ACAD9: variants seen among roughly 807,000 people sequenced by gnomAD.
ACAD9 encodes acyl-CoA dehydrogenase family member 9, also known as complex I assembly factor ACAD9, mitochondrial.
A neutral mutation model predicts 70.2 loss-of-function variants in ACAD9; 53 were observed. The observed-to-expected ratio is 0.75, with a 90% confidence interval of 0.61 to 0.95. ACAD9 has a LOEUF of 0.95. ACAD9 is among the 40% of genes least tolerant of loss of function. The probability of loss-of-function intolerance (pLI) is 0.00; values close to 1 mark genes in which losing one functional copy is unlikely to be tolerated. For synonymous variants in ACAD9, 313 were observed against 312.1 expected (o/e 1.00, Z -0.03); for missense variants, 777 against 802.8 (o/e 0.97, Z 0.39).
At chr3:128,893,165 G>A (rs919270776) in intron 2 of ACAD9, among the ~76,000 whole-genome samples, 3 of 150,714 alleles carry the variant, frequency 2.0e-5, no homozygotes, top group African/African-American at 7.3e-5. Flanking sequence ...GGGTAACATA[G>A]CAAGACCTCG....
intron 17 of ACAD9, 130 bp from the exon 18 acceptor site, chr3:128,912,377 G>A (rs533860783): frequency 6.0e-5 from 45 of 746,766 alleles, no homozygotes; most frequent in Non-Finnish European, 1.0e-4. Flanking sequence ...GGGGTCTGGA[G>A]GAGGGGTTCA....
chr3:128,905,814 C>T (rs182314190), intron 11 of ACAD9, among the ~76,000 whole-genome samples: 4 of 152,146 alleles, frequency 2.6e-5, no homozygotes, highest in Admixed American at 2.6e-4. Flanking sequence ...GCCGCTGGGG[C>T]TTGGCAGGAA....
chr3:128,906,307 A>G, intron 12 of ACAD9, 58 bp downstream of exon 12: 2 of 1,603,422 alleles, frequency 1.2e-6, no homozygotes, highest in Non-Finnish European at 8.5e-7. Context: ...CTGGTCCTAA[A>G]GATGCTGCTC....
chr3:128,898,270 C>T lies in ACAD9; in HGVS notation c.633+560C>T, dbSNP rs549733862. On this transcript the variant is annotated intron_variant, in intron 6 of 17. Coordinates refer to ENST00000308982, the MANE Select transcript of ACAD9 (RefSeq NM_014049.5). ...CCTGCTTATGGCCACTGTGCCTCTT[C>T]CAGCAGCATCGCCACCTCCAGATCG... Among the ~76,000 whole-genome samples the T allele has an allele frequency of 1.2e-4, 18 of 152,342 alleles. No homozygotes were observed. In the East Asian group the frequency reaches 1.9e-3, roughly 16 times the overall value.
At chr3:128,901,042 C>T (rs1935722182) in intron 7 of ACAD9, among the ~76,000 whole-genome samples, 1 of 152,126 alleles carries the variant, frequency 6.6e-6, no homozygotes, top group African/African-American at 2.4e-5. Context: ...TATCGTGATG[C>T]CCTATTTATT....
At chr3:128,900,138 C>T (rs1318158910) in intron 7 of ACAD9, among the ~76,000 whole-genome samples, 1 of 152,156 alleles carries the variant, frequency 6.6e-6, no homozygotes, top group Non-Finnish European at 1.5e-5. Context: ...CAACATGTTG[C>T]CCAGACTTGT....
At chr3:128,883,073 GTTT>G (rs58094285) in intron 1 of ACAD9, among the ~76,000 whole-genome samples, 1 of 139,098 alleles carries the variant, frequency 7.2e-6, no homozygotes, top group African/African-American at 2.7e-5. Context: ...CCATCAGCTT[GTTT>G]TTTTTTTTTT....
chr3:128,896,255 G>A (rs1451609217), intron 4 of ACAD9, among the ~76,000 whole-genome samples, 181 bp from the exon 5 acceptor site: 2 of 152,232 alleles, frequency 1.3e-5, no homozygotes, highest in African/African-American at 2.4e-5. Flanking sequence ...TGGCATGTGC[G>A]CCCTGACCGT....
intron 2 of ACAD9, among the ~76,000 whole-genome samples, chr3:128,890,568 G>C (rs1935389996): frequency 6.6e-6 from 1 of 151,822 alleles, no homozygotes; most frequent in Admixed American, 6.6e-5. Context: ...CGGGCGTGGT[G>C]GCAGGTGCCT....
At chr3:128,904,820 C>T (rs553125749) in intron 11 of ACAD9, among the ~76,000 whole-genome samples, 22 of 152,266 alleles carry the variant, frequency 1.4e-4, no homozygotes, top group African/African-American at 5.3e-4. Context: ...TATGGCCTTC[C>T]TACTTTCTGG....
At chr3:128,906,003 A>G (rs1935876842) in intron 11 of ACAD9, 118 bp from the exon 12 acceptor site, 2 of 1,417,170 alleles carry the variant, frequency 1.4e-6, no homozygotes, top group East Asian at 4.6e-5. Flanking sequence ...TCACCCCTCA[A>G]GTTCCTCCCT....
intron 11 of ACAD9, 22 bp downstream of exon 11, chr3:128,904,527 A>G (rs1426617281): frequency 1.9e-6 from 3 of 1,612,140 alleles, no homozygotes; most frequent in Non-Finnish European, 2.5e-6. Flanking sequence ...ATAGCCAGAG[A>G]GCTGGCGCTG....
intron 11 of ACAD9, 113 bp from the exon 12 acceptor site, chr3:128,906,008 C>G: frequency 6.8e-7 from 1 of 1,469,686 alleles, no homozygotes; most frequent in Non-Finnish European, 9.4e-7. Context: ...CCTCAAGTTC[C>G]TCCCTGGCCG....
intron 1 of ACAD9, among the ~76,000 whole-genome samples, chr3:128,880,818 G>A (rs1447894616): frequency 6.6e-6 from 1 of 152,234 alleles, no homozygotes; most frequent in East Asian, 1.9e-4. Context: ...CAGCAGAAGA[G>A]AGAGCTGGCT....
chr3:128,900,524 CTTTTTTT>C (rs1168732085), intron 7 of ACAD9, among the ~76,000 whole-genome samples: 1 of 140,418 alleles, frequency 7.1e-6, no homozygotes, highest in Non-Finnish European at 1.6e-5. Context: ...CGCACCCGGC[CTTTTTTT>C]TTTTTTTTTT....
Position 128,909,259 on chromosome 3 carries a change from C to T in ACAD9, c.1486-85C>T, listed in dbSNP as rs1404910017. ...CCTGGATTGCTTCCCCCAGATGGGG[C>T]ATCTCTGCCTGGTACCCGGGCTGTG... On this transcript the variant is annotated intron_variant, in intron 14 of 17. Transcript: ENST00000308982. 6.3e-6 allele frequency: 10 copies of T among 1,595,996 alleles called. No individual in the cohort carries two copies. The Admixed American group carries it at 8.4e-5, about 13-fold the overall frequency.
intron 1 of ACAD9, chr3:128,880,255 C>A (rs1935048618): frequency 2.9e-6 from 1 of 350,108 alleles, no homozygotes; most frequent in Non-Finnish European, 5.5e-6. Context: ...GTGAGCCCAG[C>A]GCCTCTCCCT....
chr3:128,897,565 A>G (rs1935602145), intron 5 of ACAD9, 67 bp from the exon 6 acceptor site: 14 of 1,456,484 alleles, frequency 9.6e-6, no homozygotes, highest in Non-Finnish European at 1.1e-5. Flanking sequence ...CTCCATTTTC[A>G]GGCCCTCAAA....
At chr3:128,907,162 G>A (rs1327002761) in intron 12 of ACAD9, among the ~76,000 whole-genome samples, 2 of 152,162 alleles carry the variant, frequency 1.3e-5, no homozygotes, top group Non-Finnish European at 2.9e-5. Context: ...AGCAGGTCTG[G>A]TGATGAGAGG....
Sources: allele counts gnomAD v4.1 joint callset (sites outside exome capture counted in the v4.1 genomes callset), GRCh38; gene constraint gnomAD v4.1.1; transcripts MANE v1.5; gene names NCBI Gene and HGNC (gene_info 2026-07-23, HGNC 2026-07-21).